PRKN: variants seen among roughly 807,000 people sequenced by gnomAD.
The protein encoded by PRKN is E3 ubiquitin-protein ligase parkin.
Under a neutral mutation model 59.5 loss-of-function variants are expected in PRKN, and 56 were observed. The observed-to-expected ratio is 0.94, with a 90% CI of 0.76 to 1.18. PRKN has a LOEUF of 1.18. Among genes scored for constraint, PRKN ranks in the 50% most tolerant of loss-of-function variants. The probability of loss-of-function intolerance (pLI) is 0.00; values close to 1 mark genes in which losing one functional copy is unlikely to be tolerated. For synonymous variants in PRKN, 250 were observed against 222.1 expected, an observed-to-expected ratio of 1.13 and a Z score of -1.12; for missense variants, 657 against 596.4, an observed-to-expected ratio of 1.10 and a Z score of -1.06.
intron 7 of PRKN, among the ~76,000 whole-genome samples, chr6:161,722,603 C>T (rs1251302700): frequency 6.6e-6 from 1 of 152,180 alleles, no homozygotes; most frequent in Non-Finnish European, 1.5e-5. Flanking sequence ...GATATATCAG[C>T]AAATTTCTGC....
At chr6:161,648,182 T>C (rs749064601) in intron 7 of PRKN, among the ~76,000 whole-genome samples, 3 of 152,210 alleles carry the variant, frequency 2.0e-5, no homozygotes, top group Admixed American at 6.5e-5. Flanking sequence ...CCAGAAGTAA[T>C]TGTAGTTTTG....
chr6:162,211,796 T>C (rs1472364502), intron 3 of PRKN, among the ~76,000 whole-genome samples: 4 of 152,188 alleles, frequency 2.6e-5, no homozygotes, highest in Non-Finnish European at 4.4e-5. Flanking sequence ...AGACAAAACA[T>C]TCAATGTTAA....
intron 2 of PRKN, among the ~76,000 whole-genome samples, chr6:162,398,414 G>A (rs1195763162): frequency 1.3e-5 from 2 of 151,286 alleles, no homozygotes; most frequent in Non-Finnish European, 2.9e-5. Context: ...TTTTGAGACA[G>A]AGTTTTGCTC....
In PRKN at chr6:161,434,257, G is replaced by C. The variant is rs80248482; in HGVS notation, c.1084-47380C>G. Among the ~76,000 whole-genome samples the C allele has an allele frequency of 9.7e-4, 148 of 151,934 alleles. 2 individuals carry two copies. The East Asian group carries it at 0.025, about 26-fold the overall frequency. On this transcript the variant is annotated intron_variant, in intron 9 of 11. Coordinates refer to ENST00000366898, the MANE Select transcript of PRKN (RefSeq NM_004562.3). ...CAAGAGATTTTGCCAGTATGCTCTTGGAAGAGTTCAACATTGCCATAGATC... is the reference window on the plus strand; with the variant it reads ...CAAGAGATTTTGCCAGTATGCTCTTCGAAGAGTTCAACATTGCCATAGATC...
intron 1 of PRKN, among the ~76,000 whole-genome samples, chr6:162,700,362 C>T (rs1484560897): frequency 1.3e-5 from 2 of 152,270 alleles, no homozygotes; most frequent in African/African-American, 2.4e-5. Context: ...AGCTATGTTC[C>T]GAGCATGCTC....
chr6:161,976,904 T>C (rs1178872593), intron 5 of PRKN, among the ~76,000 whole-genome samples: 1 of 152,216 alleles, frequency 6.6e-6, no homozygotes, highest in Non-Finnish European at 1.5e-5. Flanking sequence ...TAACACCAGA[T>C]AAAATTCAGC....
intron 6 of PRKN, among the ~76,000 whole-genome samples, chr6:161,867,737 T>TTTCA (rs894736346): frequency 2.1e-4 from 15 of 72,760 alleles, no homozygotes; most frequent in African/African-American, 2.7e-4. Flanking sequence ...GGGAAAAATC[T>TTTCA]TTCATTTATT....
At position 161,526,564 on chromosome 6, in the gene PRKN, A is replaced by AAT. The variant is rs1048382645; in HGVS notation, c.1083+22288_1083+22289dup. ...ATCTTAAATAAAATAGAAATATTAA[A>AAT]ATATATATATAAATATAAGTAATAT... On this transcript the variant is annotated intron_variant, in intron 9 of 11. Transcript: ENST00000366898. The surrounding 1 kb of genome is among the most constrained non-coding windows in gnomAD (Gnocchi z 4.1). Among the ~76,000 whole-genome samples the AAT allele has an allele frequency of 4.7e-5, 7 of 149,180 alleles. No individual in the cohort carries two copies. The highest frequency in any genetic ancestry group is 1.9e-4 in the East Asian group (1 of 5,162).
At chr6:162,591,065 C>T (rs893985100) in intron 1 of PRKN, among the ~76,000 whole-genome samples, 1 of 152,114 alleles carries the variant, frequency 6.6e-6, no homozygotes, top group Non-Finnish European at 1.5e-5. Context: ...CGCACTCCTT[C>T]CCATCAGGCT....
At chr6:162,559,986 T>C (rs1475569305) in intron 1 of PRKN, among the ~76,000 whole-genome samples, 1 of 152,220 alleles carries the variant, frequency 6.6e-6, no homozygotes, top group Non-Finnish European at 1.5e-5. Context: ...AAATGAGTTG[T>C]CTAACAAACA....
At chr6:161,679,436 G>T (rs891953882) in intron 7 of PRKN, among the ~76,000 whole-genome samples, 5 of 152,088 alleles carry the variant, frequency 3.3e-5, no homozygotes, top group Admixed American at 6.6e-5. Flanking sequence ...ACACTCGGGA[G>T]GAACCCCACA....
At chr6:161,818,674 T>TA (rs1363934724) in intron 6 of PRKN, among the ~76,000 whole-genome samples, 2 of 152,068 alleles carry the variant, frequency 1.3e-5, no homozygotes, top group Non-Finnish European at 2.9e-5. Flanking sequence ...TTGGAAAGGT[T>TA]ACTAGATAGC....
intron 2 of PRKN, among the ~76,000 whole-genome samples, chr6:162,309,479 G>T (rs1782379414): frequency 6.6e-6 from 1 of 152,110 alleles, no homozygotes; most frequent in African/African-American, 2.4e-5. Flanking sequence ...TCCAGAAGAT[G>T]CTCCTGAATC....
At position 161,378,983 on chromosome 6, in the gene PRKN, G is replaced by A. The variant is rs767577113; in HGVS notation, c.1167+7811C>T. On this transcript the variant is annotated intron_variant, in intron 10 of 11. Transcript: ENST00000366898. This position sits in a 1 kb window ranked among gnomAD's most constrained non-coding sequence, Gnocchi z 7.3. ...CCAGCAAGAGAGTACTTTTGCCAGA[G>A]AACACAGCAAGAGTTCTGGTCACTT... is the stretch of plus-strand genomic sequence containing the variant. Among the ~76,000 whole-genome samples, 4 of 152,156 alleles carry A rather than the reference G, an allele frequency of 2.6e-5. No individual in the cohort carries two copies. Among genetic ancestry groups the A allele is most frequent in the Non-Finnish European group, 4.4e-5 (3 of 68,028 alleles).
At chr6:162,366,900 A>C (rs1785469720) in intron 2 of PRKN, among the ~76,000 whole-genome samples, 1 of 152,190 alleles carries the variant, frequency 6.6e-6, no homozygotes, top group African/African-American at 2.4e-5. Flanking sequence ...ACTCCATCTC[A>C]AAATAAAATA....
intron 9 of PRKN, among the ~76,000 whole-genome samples, chr6:161,509,001 T>A (rs1404702989): frequency 6.6e-6 from 1 of 152,064 alleles, no homozygotes; most frequent in East Asian, 1.9e-4. Context: ...TGCGCCACCA[T>A]GCCCAGCTAA....
chr6:162,408,203 C>T (rs1309123781), intron 2 of PRKN, among the ~76,000 whole-genome samples: 1 of 151,852 alleles, frequency 6.6e-6, no homozygotes, highest in Non-Finnish European at 1.5e-5. Context: ...AACATATCTG[C>T]TACTAGTCGG....
intron 7 of PRKN, among the ~76,000 whole-genome samples, chr6:161,704,390 C>T (rs777693748): frequency 2.6e-5 from 4 of 152,156 alleles, no homozygotes; most frequent in Non-Finnish European, 4.4e-5. Flanking sequence ...ACTCGTGCTG[C>T]CATCTTTCGT....
chr6:162,575,539 C>T (rs934810480), intron 1 of PRKN, among the ~76,000 whole-genome samples: 3 of 145,772 alleles, frequency 2.1e-5, no homozygotes, highest in African/African-American at 8.0e-5. Context: ...TTGTTGACCC[C>T]CTAGCTCCCA....
Sources: gnomAD v4.1 joint callset for allele counts (sites outside exome capture counted in the v4.1 genomes callset) on GRCh38, gnomAD v4.1.1 for gene constraint, Gnocchi (gnomAD v3.1) non-coding constraint, MANE v1.5 for transcripts, NCBI Gene and HGNC (gene_info 2026-07-23, HGNC 2026-07-21) for gene names.